The following DLG2 variants were observed in gnomAD, a reference collection of about 807,000 sequenced individuals.
DLG2 encodes discs large MAGUK scaffold protein 2, also known as disks large homolog 2.
A neutral mutation model predicts 132.5 loss-of-function variants in DLG2; 45 were observed. That is an observed-to-expected ratio of 0.34 (90% confidence interval 0.27 to 0.44). The LOEUF is 0.44. Ranked by LOEUF, DLG2 falls within the 20% of genes least tolerant of loss-of-function variation. The pLI is 1.00. For synonymous variants in DLG2, 424 were observed against 419.6 expected (o/e 1.01, Z -0.13); for missense variants, 1,045 against 1,196.9 (o/e 0.87, Z 1.87).
intron 18 of DLG2, among the ~76,000 whole-genome samples, chr11:83,726,243 G>A (rs574889661): frequency 6.6e-6 from 1 of 152,162 alleles, no homozygotes; most frequent in African/African-American, 2.4e-5. Flanking sequence ...ATAAAATGGG[G>A]TTAACACTAA....
intron 11 of DLG2, among the ~76,000 whole-genome samples, chr11:83,984,135 G>T (rs1400480426): frequency 6.6e-6 from 1 of 152,018 alleles, no homozygotes; most frequent in East Asian, 1.9e-4. Context: ...GTTGACATTT[G>T]AAGTTGAAGA....
intron 9 of DLG2, among the ~76,000 whole-genome samples, chr11:84,137,522 T>C (rs1215140785): frequency 6.6e-6 from 1 of 152,124 alleles, no homozygotes; most frequent in Non-Finnish European, 1.5e-5. Flanking sequence ...AGATATTTCA[T>C]AGCTCAAACA....
intron 6 of DLG2, among the ~76,000 whole-genome samples, chr11:84,645,675 G>A (rs1257835409): frequency 6.6e-6 from 1 of 152,140 alleles, no homozygotes. Flanking sequence ...CACTGTGTTA[G>A]CCAGGATGGT....
intron 3 of DLG2, among the ~76,000 whole-genome samples, chr11:85,582,764 C>CT (rs1005057386): frequency 2.4e-5 from 3 of 127,486 alleles, no homozygotes; most frequent in African/African-American, 5.8e-5. Flanking sequence ...TTTTGAATAA[C>CT]TTTTTTTTCA....
chr11:84,049,102 GA>G lies in DLG2; in HGVS notation c.919+10212del, dbSNP rs147481121. 8.8e-3 allele frequency among the ~76,000 whole-genome samples: 1,281 copies of G among 145,028 alleles called. 26 individuals are homozygous for G. Among genetic ancestry groups the G allele is most frequent in the African/African-American group, 0.031 (1,217 of 39,608 alleles). Reference sequence around the variant, plus strand: ...GTTCACTTTGGCCATATGGGCATCAGAAAAAAAAACAAAAACCAGGAGCAGA... The same window carrying G: ...GTTCACTTTGGCCATATGGGCATCAGAAAAAAAACAAAAACCAGGAGCAGA... On this transcript the variant is annotated intron_variant, in intron 11 of 27. Coordinates refer to ENST00000376104, the MANE Select transcript of DLG2 (RefSeq NM_001142699.3).
chr11:84,224,209 T>C (rs985156593), intron 8 of DLG2, among the ~76,000 whole-genome samples: 1 of 152,210 alleles, frequency 6.6e-6, no homozygotes, highest in African/African-American at 2.4e-5. Flanking sequence ...AGAGCGGTTA[T>C]TTCCAGATTC....
At chr11:84,219,944 G>A (rs1597710688) in intron 8 of DLG2, among the ~76,000 whole-genome samples, 1 of 152,206 alleles carries the variant, frequency 6.6e-6, no homozygotes, top group East Asian at 1.9e-4. Context: ...AAACAATTAT[G>A]GGGAAACAAA....
At chr11:84,522,699 T>C (rs1167371171) in intron 7 of DLG2, among the ~76,000 whole-genome samples, 1 of 152,228 alleles carries the variant, frequency 6.6e-6, no homozygotes, top group Non-Finnish European at 1.5e-5. Flanking sequence ...TTCTGTCTTA[T>C]ATAAGATTAC....
intron 11 of DLG2, among the ~76,000 whole-genome samples, chr11:84,046,299 G>A (rs2096242064): frequency 6.6e-6 from 1 of 151,522 alleles, no homozygotes; most frequent in South Asian, 2.1e-4. Flanking sequence ...GAAAATATAT[G>A]AGTGAATCTG....
chr11:84,517,228 G>C (rs1394172438), intron 7 of DLG2, among the ~76,000 whole-genome samples: 1 of 151,116 alleles, frequency 6.6e-6, no homozygotes, highest in Non-Finnish European at 1.5e-5. Context: ...ATGAATGAGA[G>C]AAAATATTTT....
At chr11:84,178,810 A>G (rs776047669) in intron 8 of DLG2, among the ~76,000 whole-genome samples, 3 of 152,174 alleles carry the variant, frequency 2.0e-5, no homozygotes, top group Non-Finnish European at 2.9e-5. Context: ...AACAGACTAC[A>G]GATCTAGCAT....
chr11:85,028,285 G>C (rs1388571084), intron 6 of DLG2, among the ~76,000 whole-genome samples: 1 of 152,146 alleles, frequency 6.6e-6, no homozygotes, highest in East Asian at 1.9e-4. Flanking sequence ...AGTGTGTGCG[G>C]ATTGGTCCAT....
chr11:83,522,804 GCCCCCC>G (rs60229392), intron 21 of DLG2, among the ~76,000 whole-genome samples: 38 of 132,290 alleles, frequency 2.9e-4, no homozygotes, highest in African/African-American at 1.0e-3. Flanking sequence ...TAATTTTAGA[GCCCCCC>G]CCCCCTTTTT....
chr11:85,012,615 A>C (rs186091833), intron 6 of DLG2, among the ~76,000 whole-genome samples: 7 of 152,324 alleles, frequency 4.6e-5, no homozygotes, highest in Admixed American at 3.3e-4. Flanking sequence ...TACAGTGGTA[A>C]TACAAATAAT....
chr11:84,765,507 T>C (rs1024649265), intron 6 of DLG2, among the ~76,000 whole-genome samples: 5 of 152,080 alleles, frequency 3.3e-5, no homozygotes, highest in Non-Finnish European at 7.4e-5. Flanking sequence ...TCCTGTCACA[T>C]AGAAATTGGA....
At chr11:84,591,642 C>T (rs554593235) in intron 6 of DLG2, among the ~76,000 whole-genome samples, 5 of 151,640 alleles carry the variant, frequency 3.3e-5, no homozygotes, top group African/African-American at 9.7e-5. Context: ...GCCTAGGCAA[C>T]AGAGCAAGAC....
intron 6 of DLG2, among the ~76,000 whole-genome samples, chr11:84,581,583 G>A (rs1363122943): frequency 6.6e-6 from 1 of 152,064 alleles, no homozygotes; most frequent in Non-Finnish European, 1.5e-5. Context: ...TGTCTCTCAT[G>A]CAAAATCTAT....
rs1418139925 is a variant in DLG2, at chr11:84,931,335, T to C, written c.357+180326A>G. Among the ~76,000 whole-genome samples the C allele has an allele frequency of 3.3e-5, 5 of 152,068 alleles. No homozygotes were observed. In the East Asian group the frequency reaches 7.7e-4, roughly 23 times the overall value. ...ACCCTTTATTTTCTGATATATGAAA[T>C]TGAATGTCTTTGTGTCATTCCCCTC... is the stretch of plus-strand genomic sequence containing the variant. On this transcript the variant is annotated intron_variant, in intron 6 of 27. Coordinates refer to ENST00000376104, the MANE Select transcript of DLG2 (RefSeq NM_001142699.3).
At chr11:84,508,739 C>T (rs2099249427) in intron 7 of DLG2, among the ~76,000 whole-genome samples, 1 of 152,142 alleles carries the variant, frequency 6.6e-6, no homozygotes, top group East Asian at 1.9e-4. Context: ...TTTAATAGCA[C>T]TTACCATCAT....
Sources: gnomAD v4.1 joint callset for allele counts (sites outside exome capture counted in the v4.1 genomes callset) on GRCh38, gnomAD v4.1.1 for gene constraint, MANE v1.5 for transcripts, NCBI Gene and HGNC (gene_info 2026-07-23, HGNC 2026-07-21) for gene names.